PTPDC1: variants seen among roughly 807,000 people sequenced by gnomAD.
PTPDC1 encodes protein tyrosine phosphatase domain-containing protein 1.
In PTPDC1, 53 loss-of-function variants were observed where a neutral mutation model predicts 75.3. The observed-to-expected ratio is 0.70, with a 90% CI of 0.56 to 0.88. PTPDC1 has a LOEUF of 0.88. Ranked by LOEUF, PTPDC1 falls within the 40% of genes least tolerant of loss-of-function variation. The pLI, the probability that PTPDC1 is intolerant of heterozygous loss-of-function variation, is 0.00. For missense variants in PTPDC1, 925 were observed against 998.6 expected, an observed-to-expected ratio of 0.93 and a Z score of 0.99; for synonymous variants, 349 against 366.2, an observed-to-expected ratio of 0.95 and a Z score of 0.54.
At chr9:94,068,704 GAATT>G (rs1389868818) in intron 2 of PTPDC1, among the ~76,000 whole-genome samples, 1 of 152,140 alleles carries the variant, frequency 6.6e-6, no homozygotes, top group African/African-American at 2.4e-5. Flanking sequence ...TTTCTTGCCT[GAATT>G]AATTATTACT....
Position 94,095,344 on chromosome 9 carries a change from A to T in PTPDC1, c.644A>T (p.Asp215Val). 2 of 1,609,892 alleles carry T rather than the reference A, an allele frequency of 1.2e-6. No homozygotes were observed. The highest frequency in any genetic ancestry group is 1.7e-6 in the Non-Finnish European group (2 of 1,178,238). Residue 215 changes from aspartate (D) to valine (V), a missense_variant, in exon 5 of 9, where the codon GAT (aspartate) becomes GTT (valine). Physicochemically the swap from Asp to Val is radical, Grantham distance 152 (BLOSUM62 -3). Coordinates refer to ENST00000620992, the MANE Select transcript of PTPDC1 (RefSeq NM_001253829.2). ...GIYFYNFGWKDYGVASLTTIL... is the reference protein window; with the variant it reads ...GIYFYNFGWKVYGVASLTTIL... ...TACTTCTACAATTTCGGATGGAAGGATTATGGTGTAGCGTCTCTTACTACT... is the reference window on the plus strand; with the variant it reads ...TACTTCTACAATTTCGGATGGAAGGTTTATGGTGTAGCGTCTCTTACTACT...
intron 1 of PTPDC1, among the ~76,000 whole-genome samples, chr9:94,050,118 ATT>A (rs201971520): frequency 6.6e-6 from 1 of 151,442 alleles, no homozygotes; most frequent in African/African-American, 2.4e-5. Flanking sequence ...CATTCATCTA[ATT>A]TTTTTTCAAG....
chr9:94,071,527 A>G (rs1416242743), intron 2 of PTPDC1, among the ~76,000 whole-genome samples: 1 of 152,196 alleles, frequency 6.6e-6, no homozygotes, highest in South Asian at 2.1e-4. Context: ...TATGGATTAC[A>G]CTTTTGCTGT....
At chr9:94,067,894 G>A (rs894804268) in intron 2 of PTPDC1, among the ~76,000 whole-genome samples, 1 of 152,186 alleles carries the variant, frequency 6.6e-6, no homozygotes, top group Non-Finnish European at 1.5e-5. Context: ...GAGCTACCGT[G>A]CCCGGCTTTC....
chr9:94,102,149 C>T (rs1224276014), intron 7 of PTPDC1, among the ~76,000 whole-genome samples: 1 of 151,998 alleles, frequency 6.6e-6, no homozygotes, highest in Non-Finnish European at 1.5e-5. Flanking sequence ...TGCTGTAACA[C>T]GAGACTGTGC....
In PTPDC1 at chr9:94,085,544, C is replaced by T. The variant is rs1218035420; in HGVS notation, c.416+122C>T. The T allele has an allele frequency of 9.9e-6, 10 of 1,005,236 alleles. No individual in the cohort carries two copies. In the African/African-American group the frequency reaches 1.1e-4, roughly 11 times the overall value. The allele number at this position is 1,005,236 out of a possible 1,614,324, so 62.3% of individuals were successfully genotyped here. On this transcript the variant is annotated intron_variant, in intron 2 of 8. Coordinates refer to ENST00000620992, the MANE Select transcript of PTPDC1 (RefSeq NM_001253829.2). ...ACTTTGAAGTCAGGACCTCACTTTG[C>T]CAGTCAGTTCTGGCTTTGCCTTAGC... is the stretch of plus-strand genomic sequence containing the variant.
At chr9:94,099,101 C>T (rs536921168) in intron 6 of PTPDC1, among the ~76,000 whole-genome samples, 43 of 152,348 alleles carry the variant, frequency 2.8e-4, no homozygotes, top group African/African-American at 1.0e-3. Flanking sequence ...TATGGGAAAT[C>T]AGGAGAGCAA....
upstream of PTPDC1, among the ~76,000 whole-genome samples, chr9:94,081,811 A>C (rs866550384): frequency 2.6e-4 from 39 of 152,348 alleles, no homozygotes; most frequent in African/African-American, 8.4e-4. Context: ...AAAGATCTGG[A>C]AACAATTACA....
Position 94,096,528 on chromosome 9 carries a change from G to A in PTPDC1, c.755-793G>A, listed in dbSNP as rs143040987. Among the ~76,000 whole-genome samples the A allele has an allele frequency of 2.6e-4, 39 of 152,110 alleles. No individual in the cohort carries two copies. The East Asian group carries it at 7.3e-3, about 29-fold the overall frequency. On this transcript the variant is annotated intron_variant, in intron 5 of 8. Coordinates refer to ENST00000620992, the MANE Select transcript of PTPDC1 (RefSeq NM_001253829.2). ...TTTGCCTTTTACTTTAATATTAATT[G>A]ACTGTTATATTTGAATTAATTTATT...
intron 8 of PTPDC1, among the ~76,000 whole-genome samples, chr9:94,106,267 C>A (rs1439504277): frequency 6.6e-6 from 1 of 152,140 alleles, no homozygotes; most frequent in Non-Finnish European, 1.5e-5. Flanking sequence ...TGAGCAGATG[C>A]CCTGACCACT....
chr9:94,041,500 G>T (rs866241063), intron 1 of PTPDC1, among the ~76,000 whole-genome samples: 3 of 152,116 alleles, frequency 2.0e-5, no homozygotes, highest in Non-Finnish European at 2.9e-5. Context: ...ACTTGGATCC[G>T]TGGTAGACCT....
upstream of PTPDC1, among the ~76,000 whole-genome samples, chr9:94,081,769 G>T (rs1587881341): frequency 6.6e-6 from 1 of 151,770 alleles, no homozygotes; most frequent in Non-Finnish European, 1.5e-5. Context: ...GGGGAGAGAA[G>T]AAGGGCCCTC....
chr9:94,090,348 A>G (rs1827267536), intron 4 of PTPDC1, among the ~76,000 whole-genome samples: 1 of 148,608 alleles, frequency 6.7e-6, no homozygotes, highest in Non-Finnish European at 1.5e-5. Context: ...TCCTTTCCCC[A>G]TTGCTTGTTT....
chr9:94,036,023 G>GTTTTTTTTTTGTTTTTTTTT (rs1825252245), intron 1 of PTPDC1, among the ~76,000 whole-genome samples: 1 of 85,580 alleles, frequency 1.2e-5, no homozygotes, highest in Non-Finnish European at 2.3e-5. Context: ...CGGATTATTT[G>GTTTTTTTTTTGTTTTTTTTT]TTTTTTTTTT....
chr9:94,050,004 A>G (rs1825736777), intron 1 of PTPDC1, among the ~76,000 whole-genome samples: 1 of 152,094 alleles, frequency 6.6e-6, no homozygotes, highest in South Asian at 2.1e-4. Context: ...AGTTGATCGA[A>G]TCGGCTACTG....
intron 2 of PTPDC1, among the ~76,000 whole-genome samples, chr9:94,068,052 A>T (rs1564018898): frequency 1.3e-5 from 2 of 152,150 alleles, no homozygotes; most frequent in Admixed American, 6.5e-5. Context: ...ATTGGTAGAT[A>T]GATGTAGAGT....
intron 2 of PTPDC1, among the ~76,000 whole-genome samples, chr9:94,067,399 A>AAT (rs1564018618): frequency 4.7e-5 from 7 of 149,294 alleles, no homozygotes; most frequent in South Asian, 4.2e-4. Context: ...CAAAAAAAAA[A>AAT]AATAATAATA....
chr9:94,103,339 C>T (rs781492617), intron 7 of PTPDC1, among the ~76,000 whole-genome samples: 4 of 152,094 alleles, frequency 2.6e-5, no homozygotes, highest in Non-Finnish European at 5.9e-5. Flanking sequence ...ATCTCAATAC[C>T]CCTTAGAGGT....
intron 1 of PTPDC1, among the ~76,000 whole-genome samples, chr9:94,052,329 T>C (rs141192437): frequency 6.6e-6 from 1 of 152,196 alleles, no homozygotes; most frequent in African/African-American, 2.4e-5. Context: ...TCTAAAAATA[T>C]ACTTTCTATT....
Sources: gnomAD v4.1 joint callset for allele counts (sites outside exome capture counted in the v4.1 genomes callset) on GRCh38, gnomAD v4.1.1 for gene constraint, MANE v1.5 for transcripts, NCBI Gene and HGNC (gene_info 2026-07-23, HGNC 2026-07-21) for gene names.